The following DNAH5 variants were observed in gnomAD, a reference collection of about 807,000 sequenced individuals.
DNAH5 encodes the protein axonemal beta dynein heavy chain 5.
DNAH5 carries 372 observed loss-of-function variants against 518.2 expected under a neutral mutation model. That is an observed-to-expected ratio of 0.72 (90% CI 0.66 to 0.78). The LOEUF is 0.78. Ranked by LOEUF, DNAH5 falls within the 30% of genes least tolerant of loss-of-function variation. DNAH5 has a pLI of 0.00. For synonymous variants in DNAH5, 2,039 were observed against 2,025.9 expected, an observed-to-expected ratio of 1.01 and a Z score of -0.17; for missense variants, 5,523 against 5,687.0, an observed-to-expected ratio of 0.97 and a Z score of 0.93.
chr5:14,011,621 GC>G (rs1785135071), intron 1 of DNAH5, among the ~76,000 whole-genome samples: 2 of 152,108 alleles, frequency 1.3e-5, no homozygotes, highest in Admixed American at 1.3e-4. Context: ...GGGCGTGGGA[GC>G]CGCGTGGCCC....
chr5:13,730,245 T>C (rs1490925115), intron 68 of DNAH5, among the ~76,000 whole-genome samples: 2 of 152,202 alleles, frequency 1.3e-5, no homozygotes, highest in Non-Finnish European at 2.9e-5. Context: ...CTGACAGCAA[T>C]GTAACAAAAA....
At chr5:13,696,810 C>CA (rs900805124) in intron 78 of DNAH5, among the ~76,000 whole-genome samples, 1 of 151,938 alleles carries the variant, frequency 6.6e-6, no homozygotes, top group Non-Finnish European at 1.5e-5. Flanking sequence ...TTACTGAAAT[C>CA]AAAAAAAGAA....
intron 49 of DNAH5, 120 bp from the exon 50 acceptor site, chr5:13,792,337 TATAAA>T: frequency 1.3e-6 from 1 of 769,476 alleles, no homozygotes; most frequent in Non-Finnish European, 2.2e-6. Flanking sequence ...GATAATCACA[TATAAA>T]AGAAAAGTAT....
In DNAH5 at chr5:13,735,253, T is replaced by G. The variant is rs368330232; in HGVS notation, c.11639A>C (p.Tyr3880Ser). The change falls in exon 68 of 79, where the codon TAT (tyrosine) becomes TCT (serine). Residue 3880 changes from tyrosine (Y) to serine (S), a missense_variant. By Grantham distance (144) the Tyr-to-Ser change is moderately radical. Around this residue, in one of 3 missense-constraint regions of DNAH5, gnomAD observed 5,121 missense variants for 5,223.3 expected, o/e 0.98. Transcript: ENST00000265104. ...GTACAGCCCTCGGGCAGCATACTTA[T>G]AAACCTCGTAGGTCATGTGCTCGAT... ...NIIEHMTYEVYKYAARGLYEE... is the reference protein window; with the variant it reads ...NIIEHMTYEVSKYAARGLYEE... 1 of 1,614,024 alleles carries G rather than the reference T, an allele frequency of 6.2e-7. No homozygotes were observed. Among genetic ancestry groups the G allele is most frequent in the Non-Finnish European group, 8.5e-7 (1 of 1,180,016 alleles).
intron 1 of DNAH5, among the ~76,000 whole-genome samples, chr5:13,954,494 G>C (rs1009987915): frequency 6.6e-6 from 1 of 152,200 alleles, no homozygotes; most frequent in Non-Finnish European, 1.5e-5. Flanking sequence ...AGGAGCAATT[G>C]CATGTCTAAA....
At chr5:13,877,999 G>A (rs1385092799) in intron 21 of DNAH5, among the ~76,000 whole-genome samples, 1 of 152,096 alleles carries the variant, frequency 6.6e-6, no homozygotes, top group Non-Finnish European at 1.5e-5. Context: ...CCACCCAAGG[G>A]ACTACATTCT....
rs1772199924 is a variant in DNAH5, at chr5:13,884,998, T to C, written c.2974A>G (p.Asn992Asp). ...RKRIHSSHTINFRDSNSASNM... is the reference protein window; with the variant it reads ...RKRIHSSHTIDFRDSNSASNM... Reference sequence around the variant, plus strand: ...CACACAAGATTATTACCCCGGAAGTTAATTGTGTGAGAGGAATGAATACGT... The same window carrying C: ...CACACAAGATTATTACCCCGGAAGTCAATTGTGTGAGAGGAATGAATACGT... Residue 992 changes from asparagine to aspartate, a missense_variant, in exon 19 of 79, where the codon AAC becomes GAC. Coordinates refer to ENST00000265104, the MANE Select transcript of DNAH5 (RefSeq NM_001369.3). 6.2e-7 allele frequency: 1 copy of C among 1,613,974 alleles called. No homozygotes were observed. Among genetic ancestry groups the C allele is most frequent in the African/African-American group, 1.3e-5 (1 of 74,906 alleles).
chr5:13,867,104 T>C (rs1407032841), intron 25 of DNAH5, among the ~76,000 whole-genome samples: 2 of 152,226 alleles, frequency 1.3e-5, no homozygotes, highest in Non-Finnish European at 2.9e-5. Flanking sequence ...AGTACTTTTC[T>C]ACACAAATTT....
At chr5:14,011,681 G>C (rs1282834550) in exon 1 of DNAH5, among the ~76,000 whole-genome samples, 2 of 152,110 alleles carry the variant, frequency 1.3e-5, no homozygotes, top group African/African-American at 2.4e-5. Flanking sequence ...GCGGCGCTCC[G>C]CTGGGACTCG....
chr5:13,927,662 A>G (rs1198041299), intron 3 of DNAH5, among the ~76,000 whole-genome samples: 2 of 152,250 alleles, frequency 1.3e-5, no homozygotes, highest in Admixed American at 6.5e-5. Context: ...GGGGTGTTAC[A>G]CATGCTGGCA....
At chr5:13,881,773 A>G (rs1226939364) in intron 21 of DNAH5, among the ~76,000 whole-genome samples, 2 of 152,074 alleles carry the variant, frequency 1.3e-5, no homozygotes, top group Non-Finnish European at 2.9e-5. Flanking sequence ...CAACTCAAAG[A>G]ACTAGAAAAA....
intron 1 of DNAH5, among the ~76,000 whole-genome samples, chr5:13,973,088 G>A (rs1042350867): frequency 5.3e-5 from 8 of 152,154 alleles, no homozygotes; most frequent in Non-Finnish European, 2.9e-5. Context: ...TATCCAGGTG[G>A]GCCCAATGTA....
At chr5:13,713,777 A>C (rs1489173039) in intron 75 of DNAH5, among the ~76,000 whole-genome samples, 1 of 151,936 alleles carries the variant, frequency 6.6e-6, no homozygotes, top group Non-Finnish European at 1.5e-5. Flanking sequence ...ATATCTCACA[A>C]ATCACCACTA....
intron 1 of DNAH5, among the ~76,000 whole-genome samples, chr5:13,934,221 C>A (rs1280381479): frequency 6.6e-6 from 1 of 152,190 alleles, no homozygotes; most frequent in Non-Finnish European, 1.5e-5. Context: ...GCGGTACCAT[C>A]TGACCTTCTA....
At chr5:13,777,424 C>G in intron 53 of DNAH5, 69 bp from the exon 54 acceptor site, 1 of 1,411,676 alleles carries the variant, frequency 7.1e-7, no homozygotes, top group Non-Finnish European at 9.9e-7. Flanking sequence ...CTTGTAACAA[C>G]GCATTATGCC....
At chr5:13,793,387 G>C (rs1297406693) in intron 49 of DNAH5, 128 bp downstream of exon 49, 2 of 762,854 alleles carry the variant, frequency 2.6e-6, no homozygotes, top group Non-Finnish European at 4.7e-6. Flanking sequence ...GCTTGAGAGT[G>C]ATGGAGGCTG....
chr5:13,713,466 T>TATATAC (rs1158251022), intron 75 of DNAH5, among the ~76,000 whole-genome samples: 67 of 98,282 alleles, frequency 6.8e-4, no homozygotes, highest in African/African-American at 1.6e-3. Flanking sequence ...TATATATATA[T>TATATAC]ACACACACCG....
At chr5:13,697,565 T>C (rs1741546870) in intron 78 of DNAH5, among the ~76,000 whole-genome samples, 1 of 152,232 alleles carries the variant, frequency 6.6e-6, no homozygotes, top group Admixed American at 6.5e-5. Flanking sequence ...AAAGACTAAA[T>C]GAGACATGGT....
In DNAH5 at chr5:13,795,082, C is replaced by A. The variant is rs554551855; in HGVS notation, c.7888-1024G>T. Among the ~76,000 whole-genome samples, 16 of 152,184 alleles carry A rather than the reference C, an allele frequency of 1.1e-4. 1 individual carries two copies. The South Asian group carries it at 2.9e-3, about 28-fold the overall frequency. On this transcript the variant is annotated intron_variant, in intron 47 of 78. Coordinates refer to ENST00000265104, the MANE Select transcript of DNAH5 (RefSeq NM_001369.3). Reference sequence around the variant, plus strand: ...AGAGGGAAATTTATAGCACTAAACACCCACAAGAGAAAGCAGGAAAGATCC... The same window carrying A: ...AGAGGGAAATTTATAGCACTAAACAACCACAAGAGAAAGCAGGAAAGATCC...
Sources: allele counts gnomAD v4.1 joint callset (sites outside exome capture counted in the v4.1 genomes callset), GRCh38; gene constraint gnomAD v4.1.1; regional missense constraint gnomAD v4.1.1; transcripts MANE v1.5; gene names NCBI Gene and HGNC (gene_info 2026-07-23, HGNC 2026-07-21).